The following KAZN variants were observed in gnomAD, a reference collection of about 807,000 sequenced individuals.
The protein encoded by KAZN is kazrin.
Under a neutral mutation model 87.4 loss-of-function variants are expected in KAZN, and 40 were observed. The ratio of observed to expected loss-of-function variants is 0.46; its 90% CI spans 0.36 to 0.60. The LOEUF (loss-of-function observed/expected upper bound fraction) is 0.60. KAZN is among the 20% of genes least tolerant of loss of function. The pLI, the probability that KAZN is intolerant of heterozygous loss-of-function variation, is 0.00. For missense variants in KAZN, 898 were observed against 1,073.9 expected (o/e 0.84, Z 2.29); for synonymous variants, 466 against 458.3 (o/e 1.02, Z -0.22).
At chr1:14,424,316 C>T (rs973827344) in intron 2 of KAZN, among the ~76,000 whole-genome samples, 2 of 152,174 alleles carry the variant, frequency 1.3e-5, no homozygotes, top group African/African-American at 4.8e-5. Flanking sequence ...CATGGCTGAG[C>T]TCAGATGAGC....
chr1:15,096,375 A>G lies in KAZN; in HGVS notation c.1547+1442A>G, dbSNP rs1359042872. ...CAAGGGCAGAAAAACAAAAACACTA[A>G]AAGCCACTTTGATTTTGAAGAGAAG... On this transcript the variant is annotated intron_variant, in intron 10 of 14. Transcript: ENST00000376030. The surrounding 1 kb of genome is among the most constrained non-coding windows in gnomAD (Gnocchi z 4.5). 6.6e-6 allele frequency among the ~76,000 whole-genome samples: 1 copy of G among 152,162 alleles called. No homozygotes were observed. The highest frequency in any genetic ancestry group is 6.5e-5 in the Admixed American group (1 of 15,286).
intron 13 of KAZN, among the ~76,000 whole-genome samples, chr1:15,108,599 A>G (rs1241720232): frequency 6.6e-6 from 1 of 151,808 alleles, no homozygotes; most frequent in Non-Finnish European, 1.5e-5. Flanking sequence ...CTTCCCATTC[A>G]TTTTCTCCAG....
chr1:14,285,406 C>T (rs1653164822), intron 2 of KAZN, among the ~76,000 whole-genome samples: 1 of 152,232 alleles, frequency 6.6e-6, no homozygotes, highest in African/African-American at 2.4e-5. Flanking sequence ...GTCTTCCTAA[C>T]ATCTGTGCAC....
intron 1 of KAZN, among the ~76,000 whole-genome samples, chr1:14,889,091 G>A (rs185187042): frequency 2.6e-5 from 4 of 152,304 alleles, no homozygotes; most frequent in East Asian, 1.9e-4. Flanking sequence ...GAGCCATTCC[G>A]GGCCGCATGC....
intron 1 of KAZN, among the ~76,000 whole-genome samples, chr1:13,925,718 A>C (rs1557724655): frequency 6.6e-6 from 1 of 152,212 alleles, no homozygotes; most frequent in African/African-American, 2.4e-5. Context: ...CTTGACTGAC[A>C]TACAAGTTCA....
At chr1:14,566,991 T>C (rs1171983649) in intron 2 of KAZN, among the ~76,000 whole-genome samples, 2 of 152,260 alleles carry the variant, frequency 1.3e-5, no homozygotes, top group African/African-American at 4.8e-5. Context: ...TTGGCACTTT[T>C]AATTTCCTTC....
At chr1:14,385,037 A>G (rs1264906026) in intron 2 of KAZN, among the ~76,000 whole-genome samples, 1 of 151,298 alleles carries the variant, frequency 6.6e-6, no homozygotes, top group Non-Finnish European at 1.5e-5. Flanking sequence ...TTCCTGGTTT[A>G]GTCTTGGGAG....
At chr1:14,214,513 A>G (rs1052047455) in intron 2 of KAZN, among the ~76,000 whole-genome samples, 8 of 152,336 alleles carry the variant, frequency 5.3e-5, no homozygotes, top group African/African-American at 1.7e-4. Context: ...ATAAATGCTT[A>G]TGGGACTTGA....
intron 1 of KAZN, among the ~76,000 whole-genome samples, chr1:14,834,124 C>T (rs533537928): frequency 2.3e-4 from 35 of 152,050 alleles, no homozygotes; most frequent in Admixed American, 4.6e-4. Flanking sequence ...CAACCTCTGC[C>T]TCCTGGGTTC....
chr1:14,366,498 G>A (rs1660008502), intron 2 of KAZN, among the ~76,000 whole-genome samples: 1 of 152,232 alleles, frequency 6.6e-6, no homozygotes, highest in Non-Finnish European at 1.5e-5. Flanking sequence ...CTGGAGGGCG[G>A]GCACTGGAGC....
chr1:14,934,970 G>A (rs933799804), intron 1 of KAZN, among the ~76,000 whole-genome samples: 5 of 152,340 alleles, frequency 3.3e-5, no homozygotes, highest in South Asian at 4.1e-4. Context: ...TTCTTCTAGC[G>A]CCGGGGGCCT....
intron 2 of KAZN, among the ~76,000 whole-genome samples, chr1:14,258,000 G>A (rs1368352094): frequency 1.4e-5 from 2 of 145,084 alleles, no homozygotes; most frequent in African/African-American, 2.5e-5. Context: ...AAAGAAGGGG[G>A]AAGGGTAAGA....
chr1:14,512,726 G>A (rs780836222), intron 2 of KAZN, among the ~76,000 whole-genome samples: 1 of 152,232 alleles, frequency 6.6e-6, no homozygotes, highest in Non-Finnish European at 1.5e-5. Flanking sequence ...TCTATGCCCA[G>A]ATTCCACCCT....
chr1:13,964,924 G>C (rs1416620544), intron 1 of KAZN, among the ~76,000 whole-genome samples: 3 of 152,170 alleles, frequency 2.0e-5, no homozygotes, highest in African/African-American at 4.8e-5. Flanking sequence ...ACAAAGACTC[G>C]AAGCAGATGA....
chr1:14,118,424 G>A (rs185970899), intron 1 of KAZN, among the ~76,000 whole-genome samples: 1 of 152,264 alleles, frequency 6.6e-6, no homozygotes, highest in East Asian at 1.9e-4. Context: ...AAGGTGGTTT[G>A]AAGACCTGGA....
Position 14,121,516 on chromosome 1 carries a change from A to C in KAZN, c.92-58919A>C, listed in dbSNP as rs189672770. Among the ~76,000 whole-genome samples the C allele has an allele frequency of 7.2e-5, 11 of 152,332 alleles. 1 individual carries two copies. In the East Asian group the frequency reaches 1.7e-3, roughly 24 times the overall value. The stretch of plus-strand genomic sequence containing the variant: ...CCAGATTCAAATGCAAGCAATCTGG[A>C]TCATGAATCCAAGCTTTTAATCACT... On this transcript the variant is annotated intron_variant, in intron 1 of 16. Transcript: ENST00000636203.
chr1:14,858,977 C>T (rs963553505), intron 1 of KAZN, among the ~76,000 whole-genome samples: 3 of 152,190 alleles, frequency 2.0e-5, no homozygotes, highest in African/African-American at 2.4e-5. Context: ...GAGGCCGAGG[C>T]GGGTGGATCA....
intron 1 of KAZN, among the ~76,000 whole-genome samples, chr1:14,132,731 C>T (rs1292678378): frequency 2.0e-5 from 3 of 152,080 alleles, no homozygotes; most frequent in African/African-American, 4.8e-5. Context: ...ATTGAATTAA[C>T]AATATGTTTC....
At chr1:14,219,804 TA>T (rs1647052288) in intron 2 of KAZN, among the ~76,000 whole-genome samples, 1 of 152,210 alleles carries the variant, frequency 6.6e-6, no homozygotes, top group East Asian at 1.9e-4. Flanking sequence ...GCTCTTACTT[TA>T]AAAACCATCA....
Sources: allele counts gnomAD v4.1 joint callset (sites outside exome capture counted in the v4.1 genomes callset), GRCh38; gene constraint gnomAD v4.1.1; non-coding constraint Gnocchi (gnomAD v3.1); transcripts MANE v1.5; gene names NCBI Gene and HGNC (gene_info 2026-07-23, HGNC 2026-07-21).